The following CSMD1 variants were observed in gnomAD, a reference collection of about 807,000 sequenced individuals.
CSMD1 encodes CUB and sushi domain-containing protein 1.
In CSMD1, 213 loss-of-function variants were observed where a neutral mutation model predicts 417.5. The observed-to-expected ratio is 0.51, with a 90% CI of 0.46 to 0.57. The LOEUF (loss-of-function observed/expected upper bound fraction) is 0.57. Among genes scored for constraint, CSMD1 ranks in the 20% least tolerant of loss-of-function variants. CSMD1 has a pLI of 0.00. For synonymous variants in CSMD1, 2,862 were observed against 1,736.8 expected (o/e 1.65, Z -16.11); for missense variants, 6,923 against 4,529.7 (o/e 1.53, Z -15.17).
intron 5 of CSMD1, among the ~76,000 whole-genome samples, chr8:3,814,698 G>T (rs549009009): frequency 6.6e-6 from 1 of 152,214 alleles, no homozygotes; most frequent in South Asian, 2.1e-4. Flanking sequence ...TTAGCCCTCT[G>T]GTGATCGCTG....
intron 1 of CSMD1, among the ~76,000 whole-genome samples, chr8:4,723,863 G>A (rs940061476): frequency 2.7e-5 from 4 of 150,552 alleles, no homozygotes; most frequent in African/African-American, 4.9e-5. Flanking sequence ...TGTTCCCATT[G>A]CCTTCCCAAA....
chr8:3,158,406 C>A (rs1213185326), intron 38 of CSMD1, among the ~76,000 whole-genome samples: 6 of 151,990 alleles, frequency 3.9e-5, no homozygotes, highest in Admixed American at 6.6e-5. Flanking sequence ...GAGGTAGCTT[C>A]GGTGGTTGTC....
chr8:4,021,211 G>C (rs770854953), intron 4 of CSMD1, among the ~76,000 whole-genome samples: 2 of 152,176 alleles, frequency 1.3e-5, no homozygotes, highest in Non-Finnish European at 2.9e-5. Context: ...ATACACATCA[G>C]ATTTTGAAAC....
intron 1 of CSMD1, among the ~76,000 whole-genome samples, chr8:4,657,328 T>C (rs1054161437): frequency 3.3e-5 from 5 of 152,182 alleles, no homozygotes; most frequent in African/African-American, 1.2e-4. Context: ...AAGGGTCAAC[T>C]GGCAGACTGA....
At chr8:4,347,712 T>A (rs1295798078) in intron 3 of CSMD1, among the ~76,000 whole-genome samples, 1 of 152,192 alleles carries the variant, frequency 6.6e-6, no homozygotes, top group Non-Finnish European at 1.5e-5. Context: ...TTCTATCTCC[T>A]GTAGCACGTA....
intron 69 of CSMD1, 62 bp from the exon 70 acceptor site, chr8:2,938,806 G>A (rs979943875): frequency 1.0e-5 from 15 of 1,461,304 alleles, no homozygotes; most frequent in Non-Finnish European, 8.4e-6. Context: ...TAGCAGCTGG[G>A]ACTGTGTGCA....
intron 2 of CSMD1, among the ~76,000 whole-genome samples, chr8:4,616,370 G>C (rs992540564): frequency 6.6e-6 from 1 of 152,156 alleles, no homozygotes. Flanking sequence ...AGGTCACATG[G>C]AGATGACCAC....
chr8:4,256,168 T>A (rs961213380), intron 3 of CSMD1, among the ~76,000 whole-genome samples: 1 of 152,244 alleles, frequency 6.6e-6, no homozygotes, highest in Non-Finnish European at 1.5e-5. Flanking sequence ...GAGCTTTTTA[T>A]GCCAATTTCC....
intron 10 of CSMD1, among the ~76,000 whole-genome samples, chr8:3,562,749 A>G (rs1364669182): frequency 6.6e-6 from 1 of 152,124 alleles, no homozygotes; most frequent in East Asian, 1.9e-4. Flanking sequence ...TAAAAATAAT[A>G]ATAATACGGA....
Position 3,711,442 on chromosome 8 carries a change from G to T in CSMD1, c.932-2951C>A, listed in dbSNP as rs948524735. On this transcript the variant is annotated intron_variant, in intron 6 of 69. Transcript: ENST00000635120. ...CAGTCACCTATCCCAGGCTCACAACGTCCAGCCCAGGTCCAACCCCAACCA... is the reference window on the plus strand; with the variant it reads ...CAGTCACCTATCCCAGGCTCACAACTTCCAGCCCAGGTCCAACCCCAACCA... 2.0e-5 allele frequency among the ~76,000 whole-genome samples: 3 copies of T among 152,104 alleles called. No homozygotes were observed. The South Asian group carries it at 6.2e-4, about 32-fold the overall frequency.
intron 1 of CSMD1, among the ~76,000 whole-genome samples, chr8:4,783,630 C>G (rs1797263706): frequency 6.6e-6 from 1 of 152,208 alleles, no homozygotes; most frequent in Non-Finnish European, 1.5e-5. Flanking sequence ...TTCACTTGGC[C>G]TCCTGCTCCA....
intron 8 of CSMD1, among the ~76,000 whole-genome samples, chr8:3,605,192 G>C (rs1801551990): frequency 6.6e-6 from 1 of 152,272 alleles, no homozygotes; most frequent in Middle Eastern, 3.4e-3. Context: ...GGGTTTCCCT[G>C]TTTTGACTAG....
At chr8:4,641,261 C>A (rs1292439565) in intron 1 of CSMD1, among the ~76,000 whole-genome samples, 1 of 152,074 alleles carries the variant, frequency 6.6e-6, no homozygotes, top group South Asian at 2.1e-4. Context: ...TTTTAGGCAA[C>A]TGGAATCTAA....
At chr8:3,185,513 T>C (rs1252273371) in intron 36 of CSMD1, among the ~76,000 whole-genome samples, 4 of 152,202 alleles carry the variant, frequency 2.6e-5, no homozygotes, top group South Asian at 4.1e-4. Context: ...ACTGAGAACA[T>C]TAGGTTAAAA....
intron 3 of CSMD1, among the ~76,000 whole-genome samples, chr8:4,102,489 G>C (rs1801356557): frequency 6.6e-6 from 1 of 152,084 alleles, no homozygotes; most frequent in Non-Finnish European, 1.5e-5. Context: ...GTCACTTGAG[G>C]GGCAGAATTC....
chr8:3,119,648 GC>G (rs1326867150), intron 41 of CSMD1, among the ~76,000 whole-genome samples: 1 of 152,082 alleles, frequency 6.6e-6, no homozygotes, highest in Non-Finnish European at 1.5e-5. Flanking sequence ...TGAGCCTCTC[GC>G]CCACTCTGGG....
intron 3 of CSMD1, among the ~76,000 whole-genome samples, chr8:4,037,306 T>C (rs761631771): frequency 6.6e-6 from 1 of 152,198 alleles, no homozygotes; most frequent in Non-Finnish European, 1.5e-5. Flanking sequence ...TACATTGTTT[T>C]GCTTAGAGCC....
intron 7 of CSMD1, chr8:3,704,821 T>C (rs559409847): frequency 1.3e-5 from 2 of 152,414 alleles, no homozygotes; most frequent in African/African-American, 2.4e-5. Flanking sequence ...GATCTCTCTC[T>C]TTTTCTTCCT....
At chr8:3,241,820 T>A (rs866043627) in intron 26 of CSMD1, among the ~76,000 whole-genome samples, 9 of 152,112 alleles carry the variant, frequency 5.9e-5, no homozygotes, top group Non-Finnish European at 8.8e-5. Context: ...ATATGTTGCT[T>A]CTTGGCTGCC....
Sources: gnomAD v4.1 joint callset for allele counts (sites outside exome capture counted in the v4.1 genomes callset) on GRCh38, gnomAD v4.1.1 for gene constraint, MANE v1.5 for transcripts, NCBI Gene and HGNC (gene_info 2026-07-23, HGNC 2026-07-21) for gene names.